The following GSDMC variants were observed in gnomAD, a reference collection of about 807,000 sequenced individuals.
GSDMC encodes the protein gasdermin-C.
In GSDMC, 59 loss-of-function variants were observed where a neutral mutation model predicts 58.0. The ratio of observed to expected loss-of-function variants is 1.02; its 90% CI spans 0.82 to 1.26. GSDMC has a LOEUF of 1.26. Among genes scored for constraint, GSDMC ranks in the 50% most tolerant of loss-of-function variants. The pLI, the probability that GSDMC is intolerant of heterozygous loss-of-function variation, is 0.00. For missense variants in GSDMC, 659 were observed against 598.5 expected, an observed-to-expected ratio of 1.10 and a Z score of -1.06; for synonymous variants, 241 against 220.2, an observed-to-expected ratio of 1.09 and a Z score of -0.83.
chr8:129,714,285 G>A, the GSDMC span, among the ~76,000 whole-genome samples: 15 of 152,140 alleles, frequency 9.9e-5, no homozygotes, highest in East Asian at 1.9e-4. Flanking sequence ...GATTATTGCC[G>A]CTCCAGAGAT....
the GSDMC span, among the ~76,000 whole-genome samples, chr8:129,719,839 G>T: frequency 6.6e-6 from 1 of 152,174 alleles, no homozygotes; most frequent in African/African-American, 2.4e-5. Flanking sequence ...CATCTACTCA[G>T]GAGGCTGAGG....
At chr8:129,738,282 A>G in the GSDMC span, among the ~76,000 whole-genome samples, 1 of 152,190 alleles carries the variant, frequency 6.6e-6, no homozygotes, top group African/African-American at 2.4e-5. Flanking sequence ...ATCTAGACCC[A>G]TTTGACCCAT....
the GSDMC span, among the ~76,000 whole-genome samples, chr8:129,723,439 T>C: frequency 8.5e-6 from 1 of 117,552 alleles, no homozygotes; most frequent in Non-Finnish European, 1.8e-5. Flanking sequence ...TTTTTTTTTT[T>C]GTATTTTTAG....
chr8:129,750,677 C>A, intron 10 of GSDMC, 107 bp from the exon 11 acceptor site: 2 of 1,131,478 alleles, frequency 1.8e-6, no homozygotes, highest in Non-Finnish European at 2.6e-6. Context: ...CTCCTCTATC[C>A]CTTTCAGCTG....
chr8:129,755,555 C>T (rs1470650907), intron 6 of GSDMC, among the ~76,000 whole-genome samples: 1 of 152,064 alleles, frequency 6.6e-6, no homozygotes, highest in Non-Finnish European at 1.5e-5. Flanking sequence ...TAATAGGAAG[C>T]ACATGGAAAA....
the GSDMC span, among the ~76,000 whole-genome samples, chr8:129,739,685 C>G: frequency 6.6e-6 from 1 of 152,198 alleles, no homozygotes; most frequent in Admixed American, 6.5e-5. Flanking sequence ...AAACCTACTT[C>G]ACAGCCAGCC....
downstream of GSDMC, among the ~76,000 whole-genome samples, chr8:129,746,983 C>T (rs1162043510): frequency 6.6e-6 from 1 of 151,950 alleles, no homozygotes; most frequent in Non-Finnish European, 1.5e-5. Context: ...GGAACGGTGG[C>T]TCACACTTGT....
Position 129,748,632 on chromosome 8 carries a change from C to A in GSDMC, c.1396G>T (p.Gly466Cys), listed in dbSNP as rs369201045. Residue 466 changes from glycine to cysteine, a missense_variant, in exon 14 of 14, where the codon GGC becomes TGC. Gly to Cys is a radical substitution (Grantham distance 159, BLOSUM62 -3). Transcript: ENST00000276708. ...CTAAGGCCACACTCCTCCAGCAGGC[C>A]ATAGGTGATGGCCAAACCCTCACTC... The part of the protein sequence containing the change: ...LQSEGLAITY[G>C]LLEECGLRME... 30 of 1,612,448 alleles carry A rather than the reference C, an allele frequency of 1.9e-5. 1 individual carries two copies. In the Middle Eastern group the frequency reaches 1.2e-3, roughly 62 times the overall value.
downstream of GSDMC, among the ~76,000 whole-genome samples, chr8:129,747,211 C>T (rs1254583780): frequency 1.3e-5 from 2 of 150,770 alleles, no homozygotes; most frequent in African/African-American, 2.4e-5. Context: ...GAGCCGAGAT[C>T]GTGCCACTGC....
At chr8:129,720,168 T>C in the GSDMC span, among the ~76,000 whole-genome samples, 12 of 152,196 alleles carry the variant, frequency 7.9e-5, no homozygotes, top group Non-Finnish European at 1.5e-4. Context: ...GAAGCCCTAG[T>C]CTGCCAAACA....
the GSDMC span, among the ~76,000 whole-genome samples, chr8:129,736,529 G>A: frequency 7.2e-5 from 11 of 152,014 alleles, no homozygotes; most frequent in African/African-American, 2.2e-4. Flanking sequence ...CGGAACCATC[G>A]ACAAACAACA....
the GSDMC span, among the ~76,000 whole-genome samples, chr8:129,714,339 T>C: frequency 6.6e-6 from 1 of 152,214 alleles, no homozygotes; most frequent in Admixed American, 6.5e-5. Flanking sequence ...AAATCTTTAT[T>C]CAATGAGTAA....
chr8:129,728,422 G>A, the GSDMC span, among the ~76,000 whole-genome samples: 5 of 152,176 alleles, frequency 3.3e-5, no homozygotes, highest in African/African-American at 9.7e-5. Flanking sequence ...TCACCATACA[G>A]AGAATAGGGG....
intron 10 of GSDMC, 48 bp from the exon 11 acceptor site, chr8:129,750,618 A>T: frequency 1.3e-6 from 2 of 1,588,802 alleles, no homozygotes; most frequent in Non-Finnish European, 1.7e-6. Flanking sequence ...CAAGTCTTTG[A>T]TTAGAACATC....
chr8:129,760,388 G>T (rs185111480), intron 6 of GSDMC, among the ~76,000 whole-genome samples, 157 bp downstream of exon 6: 1 of 152,134 alleles, frequency 6.6e-6, no homozygotes, highest in African/African-American at 2.4e-5. Flanking sequence ...AGAACATGAA[G>T]GATAAATGTT....
chr8:129,720,095 A>G, the GSDMC span, among the ~76,000 whole-genome samples: 1 of 152,354 alleles, frequency 6.6e-6, no homozygotes, highest in South Asian at 2.1e-4. Context: ...AAGACACTCA[A>G]TCATGTAACT....
At chr8:129,753,282 C>T (rs1238107279) in intron 6 of GSDMC, among the ~76,000 whole-genome samples, 1 of 152,190 alleles carries the variant, frequency 6.6e-6, no homozygotes, top group Admixed American at 6.5e-5. Context: ...ACAGAGGATT[C>T]TGTCCCGCAT....
At chr8:129,774,339 G>A (rs2130534017) in intron 3 of GSDMC, among the ~76,000 whole-genome samples, 1 of 152,196 alleles carries the variant, frequency 6.6e-6, no homozygotes, top group East Asian at 1.9e-4. Flanking sequence ...TGAGAATACT[G>A]GATACTCACA....
the GSDMC span, among the ~76,000 whole-genome samples, chr8:129,742,222 A>G: frequency 6.6e-6 from 1 of 152,038 alleles, no homozygotes; most frequent in African/African-American, 2.4e-5. Context: ...TTTGAGATCT[A>G]TTGTACAACA....
Sources: allele counts gnomAD v4.1 joint callset (sites outside exome capture counted in the v4.1 genomes callset), GRCh38; gene constraint gnomAD v4.1.1; transcripts MANE v1.5; gene names NCBI Gene and HGNC (gene_info 2026-07-23, HGNC 2026-07-21).